The following TUBGCP6 variants were observed in gnomAD, a reference collection of about 807,000 sequenced individuals.
The protein encoded by TUBGCP6 is tubulin gamma complex component 6.
A neutral mutation model predicts 175.8 loss-of-function variants in TUBGCP6; 161 were observed. The observed-to-expected ratio is 0.92, with a 90% CI of 0.81 to 1.04. The LOEUF (loss-of-function observed/expected upper bound fraction) is 1.04. Ranked by LOEUF, TUBGCP6 falls within the 50% of genes least tolerant of loss-of-function variation. The pLI, the probability that TUBGCP6 is intolerant of heterozygous loss-of-function variation, is 0.00. For synonymous variants in TUBGCP6, 1,173 were observed against 1,030.5 expected, an observed-to-expected ratio of 1.14 and a Z score of -2.65; for missense variants, 2,572 against 2,433.0, an observed-to-expected ratio of 1.06 and a Z score of -1.20.
Position 50,226,784 on chromosome 22 carries a change from T to C in TUBGCP6, c.1550A>G (p.His517Arg). 1 of 1,593,196 alleles carries C rather than the reference T, an allele frequency of 6.3e-7. No homozygotes were observed. Among genetic ancestry groups the C allele is most frequent in the Non-Finnish European group, 8.5e-7 (1 of 1,170,732 alleles). The change falls in exon 7 of 25, where the codon CAC (histidine) becomes CGC (arginine). Residue 517 changes from histidine to arginine, a missense_variant. Coordinates refer to ENST00000248846, the MANE Select transcript of TUBGCP6 (RefSeq NM_020461.4). ...CAGCAGGGACAGCAGTACAGGGTAG[T>C]GCTCGTTGCTGCAGTTGTGCAGAGC... The part of the protein sequence containing the change: ...QEALHNCSNE[H>R]YPVLLSLLKT...
At chr22:50,236,120 G>A (rs894609981) in intron 2 of TUBGCP6, among the ~76,000 whole-genome samples, 1 of 151,816 alleles carries the variant, frequency 6.6e-6, no homozygotes, top group Admixed American at 6.6e-5. Context: ...GTAAGAGATG[G>A]ATACAGAAAA....
At chr22:50,222,703 GCCC>G (rs2064549042) in intron 13 of TUBGCP6, 111 bp from the exon 14 acceptor site, 23 of 1,463,318 alleles carry the variant, frequency 1.6e-5, no homozygotes, top group Non-Finnish European at 2.1e-5. Flanking sequence ...GTGGGCCCCC[GCCC>G]CCGTCTCCCC....
chr22:50,232,608 C>T (rs2064708633), intron 3 of TUBGCP6, among the ~76,000 whole-genome samples: 1 of 152,124 alleles, frequency 6.6e-6, no homozygotes. Flanking sequence ...GCTATCCCCA[C>T]AACAGACAAG....
intron 16 of TUBGCP6, 37 bp from the exon 17 acceptor site, chr22:50,220,052 C>T (rs376577767): frequency 2.8e-5 from 45 of 1,607,908 alleles, no homozygotes; most frequent in Middle Eastern, 1.7e-4. Flanking sequence ...GCATCAGGGC[C>T]GAGTGCCTGT....
intron 2 of TUBGCP6, among the ~76,000 whole-genome samples, chr22:50,238,086 T>C (rs929754798): frequency 1.4e-4 from 21 of 150,820 alleles, no homozygotes; most frequent in African/African-American, 4.2e-4. Context: ...TGAGCCAAGA[T>C]TGCGCCATTG....
At position 50,217,840 on chromosome 22, in the gene TUBGCP6, G is replaced by C. The variant is rs202182732; in HGVS notation, c.5369-13C>G. 10 of 1,613,234 alleles carry C rather than the reference G, an allele frequency of 6.2e-6. No individual in the cohort carries two copies. In the East Asian group the frequency reaches 2.2e-4, roughly 36 times the overall value. On this transcript the variant is annotated splice_polypyrimidine_tract_variant and intron_variant, in intron 24 of 24. Transcript: ENST00000248846. ...AGCTTGGTCACCACTGGGGACCAGC[G>C]AGCAGCTCAGGCTTTTGCCCACAGT...
intron 13 of TUBGCP6, 84 bp downstream of exon 13, chr22:50,224,057 A>T: frequency 8.0e-7 from 1 of 1,250,300 alleles, no homozygotes; most frequent in Non-Finnish European, 1.1e-6. Context: ...CAAAACAAAA[A>T]GTAAAATCAT....
Position 50,220,426 on chromosome 22 carries a change from C to G in TUBGCP6, c.3933G>C (p.Gln1311His). The change falls in exon 16 of 25, where the codon CAG becomes CAC. Residue 1311 changes from glutamine (Q) to histidine (H), a missense_variant. Gln to His is a conservative substitution (Grantham distance 24, BLOSUM62 0). Coordinates refer to ENST00000248846, the MANE Select transcript of TUBGCP6 (RefSeq NM_020461.4). ...TSQSALSLGA[Q>H]STVLDCGPRL... ...GTGGCCCACAGTCCAGCACAGTGCT[C>G]TGTGCTCCCAGGCTGAGCGCTGACT... 2 of 1,609,442 alleles carry G rather than the reference C, an allele frequency of 1.2e-6. No homozygotes were observed. The highest frequency in any genetic ancestry group is 1.7e-6 in the Non-Finnish European group (2 of 1,178,202).
At position 50,221,475 on chromosome 22, in the gene TUBGCP6, C is replaced by A. The variant is rs764309740; in HGVS notation, c.2884G>T (p.Ala962Ser). The A allele has an allele frequency of 3.8e-6, 6 of 1,590,414 alleles. No individual in the cohort carries two copies. In the South Asian group the frequency reaches 5.6e-5, roughly 15 times the overall value. ...AGGGGCCCTGGTGCAGGTGAGGTGG[C>A]CACAGCTGGCCTCAGGACAGTACTA... ...DFSTVLRPAV[A>S]TSPAPGPLQA... Residue 962 changes from alanine to serine, a missense_variant, in exon 16 of 25, where the codon GCC becomes TCC. Ala to Ser is a moderately conservative substitution (Grantham distance 99, BLOSUM62 1). Transcript: ENST00000248846.
intron 15 of TUBGCP6, 40 bp downstream of exon 15, chr22:50,221,988 G>A (rs988695866): frequency 1.2e-5 from 20 of 1,611,778 alleles, no homozygotes; most frequent in Non-Finnish European, 1.7e-5. Context: ...AGGGCTATGG[G>A]AAAACCATAG....
At chr22:50,231,053 G>T (rs2064681705) in intron 3 of TUBGCP6, among the ~76,000 whole-genome samples, 1 of 132,710 alleles carries the variant, frequency 7.5e-6, no homozygotes, top group Non-Finnish European at 1.5e-5. Context: ...TTGCACTCCA[G>T]CCTGGGCAAC....
rs200143449 is a variant in TUBGCP6, at chr22:50,229,443, G to T, written c.1251C>A (p.Pro417=). The T allele has an allele frequency of 1.5e-5, 24 of 1,613,402 alleles. No individual in the cohort carries two copies. Among genetic ancestry groups the T allele is most frequent in the Admixed American group, 6.7e-5 (4 of 59,972 alleles). The change falls in exon 4 of 25, where the codon CCC becomes CCA. Residue 417 remains proline (P), a synonymous_variant. Transcript: ENST00000248846. ...CCTTGCTGTACAAAGAGTCCAGGACGGGCTGCAGAGAGAAATGACTCAGGC... is the reference window on the plus strand; with the variant it reads ...CCTTGCTGTACAAAGAGTCCAGGACTGGCTGCAGAGAGAAATGACTCAGGC... The part of the protein sequence containing the change: ...YTRLSHFSLQ[P]VLDSLYSKGL...
intron 1 of TUBGCP6, among the ~76,000 whole-genome samples, chr22:50,240,849 C>T (rs1371492623): frequency 3.3e-5 from 5 of 152,116 alleles, no homozygotes; most frequent in Non-Finnish European, 4.4e-5. Context: ...ATCGGCCAGG[C>T]GTGGTGGTGG....
chr22:50,220,752 A>C lies in TUBGCP6; in HGVS notation c.3607T>G (p.Ser1203Ala). Reference protein sequence around the residue: ...DASISLGESVSDMAPTRPRWN... With the variant: ...DASISLGESVADMAPTRPRWN... ...CGTGGCCGGGTGGGAGCCATGTCTG[A>C]CACAGACTCCCCCAAGCTGATGCTG... is the stretch of plus-strand genomic sequence containing the variant. The change falls in exon 16 of 25, where the codon TCA becomes GCA. Residue 1203 changes from serine to alanine, a missense_variant. By Grantham distance (99) the Ser-to-Ala change is moderately conservative. Coordinates refer to ENST00000248846, the MANE Select transcript of TUBGCP6 (RefSeq NM_020461.4). 1 of 1,605,934 alleles carries C rather than the reference A, an allele frequency of 6.2e-7. No individual in the cohort carries two copies. The highest frequency in any genetic ancestry group is 8.5e-7 in the Non-Finnish European group (1 of 1,177,844).
chr22:50,222,322 G>C, intron 14 of TUBGCP6, 132 bp downstream of exon 14: 1 of 1,390,470 alleles, frequency 7.2e-7, no homozygotes, highest in Non-Finnish European at 9.9e-7. Flanking sequence ...CGGGGAGAGA[G>C]AGTGCTCTGC....
In TUBGCP6 at chr22:50,218,006, C is replaced by G; in HGVS notation, c.5280G>C (p.Gly1760=). The G allele has an allele frequency of 6.2e-7, 1 of 1,612,308 alleles. No homozygotes were observed. The highest frequency in any genetic ancestry group is 8.5e-7 in the Non-Finnish European group (1 of 1,179,402). ...TGGGGTGCTCTGCACCCCGCGGGCCCCCAGGGGGCCCCCAGGCCTGGGAGA... is the reference window on the plus strand; with the variant it reads ...TGGGGTGCTCTGCACCCCGCGGGCCGCCAGGGGGCCCCCAGGCCTGGGAGA... The part of the protein sequence containing the change: ...QLISQAWGPP[G]GPRGAEHPNF... The change falls in exon 24 of 25, where the codon GGG becomes GGC. Residue 1760 remains glycine, a synonymous_variant. Coordinates refer to ENST00000248846, the MANE Select transcript of TUBGCP6 (RefSeq NM_020461.4).
intron 3 of TUBGCP6, among the ~76,000 whole-genome samples, chr22:50,232,227 G>A (rs750537363): frequency 7.9e-5 from 12 of 151,670 alleles, no homozygotes; most frequent in African/African-American, 2.9e-4. Flanking sequence ...TTAGCCAGCC[G>A]TAGTGACATG....
chr22:50,236,590 C>A (rs796545097), intron 2 of TUBGCP6, among the ~76,000 whole-genome samples: 8 of 152,162 alleles, frequency 5.3e-5, no homozygotes, highest in Non-Finnish European at 1.0e-4. Context: ...GTCCTCCCTG[C>A]GAAAACAATC....
chr22:50,218,228 T>G lies in TUBGCP6; in HGVS notation c.5129A>C (p.Gln1710Pro), dbSNP rs764300192. The change falls in exon 23 of 25, where the codon CAG (glutamine) becomes CCG (proline). Residue 1710 changes from glutamine (Q) to proline (P), a missense_variant. Transcript: ENST00000248846. ...GTGCAGGTACTCTGCGTGCGCACGC[T>G]GGATCTCCTCCAGGTCGCCCACGGT... ...LATVGDLEEIQRAHAEYLHKA... is the reference protein window; with the variant it reads ...LATVGDLEEIPRAHAEYLHKA... 6.2e-7 allele frequency: 1 copy of G among 1,612,812 alleles called. No individual in the cohort carries two copies. Among genetic ancestry groups the G allele is most frequent in the Non-Finnish European group, 8.5e-7 (1 of 1,179,908 alleles).
Sources: gnomAD v4.1 joint callset for allele counts (sites outside exome capture counted in the v4.1 genomes callset) on GRCh38, gnomAD v4.1.1 for gene constraint, MANE v1.5 for transcripts, NCBI Gene and HGNC (gene_info 2026-07-23, HGNC 2026-07-21) for gene names.